Variants in ARHGAP24 observed in about 807,000 individuals in gnomAD.
ARHGAP24 encodes the protein rho GTPase-activating protein 24.
Under a neutral mutation model 76.4 loss-of-function variants are expected in ARHGAP24, and 50 were observed. That is an observed-to-expected ratio of 0.65 (90% confidence interval 0.52 to 0.83). The LOEUF is 0.83. ARHGAP24 is among the 40% of genes least tolerant of loss of function. The pLI, the probability that ARHGAP24 is intolerant of heterozygous loss-of-function variation, is 0.00. For synonymous variants in ARHGAP24, 345 were observed against 323.3 expected (o/e 1.07, Z -0.72); for missense variants, 930 against 914.2 (o/e 1.02, Z -0.22).
chr4:85,626,025 A>G (rs1238267964), intron 2 of ARHGAP24, among the ~76,000 whole-genome samples: 2 of 152,126 alleles, frequency 1.3e-5, no homozygotes, highest in Non-Finnish European at 2.9e-5. Context: ...TCTTTATCCA[A>G]TTTGCCAGTC....
chr4:85,931,138 G>A, intron 4 of ARHGAP24: 1 of 1,302,334 alleles, frequency 7.7e-7, no homozygotes, highest in Non-Finnish European at 1.1e-6. Flanking sequence ...TGGGAGTTTG[G>A]AAACCAAGAG....
chr4:85,750,590 G>A (rs924192143), intron 3 of ARHGAP24, among the ~76,000 whole-genome samples: 52 of 134,638 alleles, frequency 3.9e-4, no homozygotes, highest in Middle Eastern at 4.5e-3. Context: ...CTGCCTCCCC[G>A]GCTCAAGCAA....
At chr4:85,785,584 A>G (rs1285999049) in intron 3 of ARHGAP24, among the ~76,000 whole-genome samples, 1 of 152,106 alleles carries the variant, frequency 6.6e-6, no homozygotes, top group Non-Finnish European at 1.5e-5. Flanking sequence ...ACGCAAATAA[A>G]CACTTTCCTT....
chr4:85,795,647 G>C (rs1438965597), intron 3 of ARHGAP24, among the ~76,000 whole-genome samples: 1 of 152,008 alleles, frequency 6.6e-6, no homozygotes, highest in Non-Finnish European at 1.5e-5. Flanking sequence ...AGACCTTACA[G>C]ATTTTGTTAT....
At chr4:85,655,258 T>C (rs551884759) in intron 2 of ARHGAP24, among the ~76,000 whole-genome samples, 1 of 152,298 alleles carries the variant, frequency 6.6e-6, no homozygotes, top group South Asian at 2.1e-4. Context: ...TTCCATGATA[T>C]TTATCAGATA....
In ARHGAP24 at chr4:86,000,951, G is replaced by T; in HGVS notation, c.*229G>T. The T allele has an allele frequency of 1.8e-6, 1 of 553,842 alleles. No homozygotes were observed. The highest frequency in any genetic ancestry group is 3.0e-6 in the Non-Finnish European group (1 of 329,514). 34.3% of individuals were successfully genotyped at this position (553,842 alleles called of 1,614,324 possible). A position where few individuals can be genotyped will look rare whatever the true frequency, so the allele number is the denominator to read the frequency against. On this transcript the variant is annotated 3_prime_UTR_variant, in exon 10 of 10. Coordinates refer to ENST00000395184, the MANE Select transcript of ARHGAP24 (RefSeq NM_001025616.3). ...CAACTGGATATGTGTATATAGAGTAGTTTTTCAAAAGTAAACTAAAAATGA... is the reference window on the plus strand; with the variant it reads ...CAACTGGATATGTGTATATAGAGTATTTTTTCAAAAGTAAACTAAAAATGA...
At chr4:85,785,638 C>T (rs1727803854) in intron 3 of ARHGAP24, among the ~76,000 whole-genome samples, 1 of 152,004 alleles carries the variant, frequency 6.6e-6, no homozygotes, top group Non-Finnish European at 1.5e-5. Flanking sequence ...TTCTTAGTGT[C>T]ACAAAACAAG....
At chr4:85,498,902 T>C (rs1181344163) in intron 1 of ARHGAP24, among the ~76,000 whole-genome samples, 1 of 152,242 alleles carries the variant, frequency 6.6e-6, no homozygotes, top group Non-Finnish European at 1.5e-5. Flanking sequence ...TGAGAACTTA[T>C]TATTTTCAAA....
At chr4:85,585,107 G>T (rs1372106289) in intron 2 of ARHGAP24, among the ~76,000 whole-genome samples, 1 of 152,116 alleles carries the variant, frequency 6.6e-6, no homozygotes, top group Non-Finnish European at 1.5e-5. Flanking sequence ...ATTTGCAGGT[G>T]GTTCCCACTT....
intron 1 of ARHGAP24, among the ~76,000 whole-genome samples, chr4:85,488,174 C>T (rs933552318): frequency 6.6e-6 from 1 of 151,594 alleles, no homozygotes; most frequent in Non-Finnish European, 1.5e-5. Context: ...CCTAGCAAGC[C>T]GAAGCCACCT....
At chr4:85,647,967 T>C (rs1472891343) in intron 2 of ARHGAP24, among the ~76,000 whole-genome samples, 1 of 152,198 alleles carries the variant, frequency 6.6e-6, no homozygotes, top group Non-Finnish European at 1.5e-5. Context: ...TCTAGAGTCA[T>C]TGCTGTACCA....
chr4:85,747,121 T>C (rs1165810483), intron 3 of ARHGAP24, among the ~76,000 whole-genome samples: 1 of 152,220 alleles, frequency 6.6e-6, no homozygotes, highest in Non-Finnish European at 1.5e-5. Context: ...CATTTTCTCC[T>C]ACTTTTCAGG....
At position 85,994,738 on chromosome 4, in the gene ARHGAP24, G is replaced by A. The variant is rs1740543610; in HGVS notation, c.1084G>A (p.Glu362Lys). 1 of 1,614,088 alleles carries A rather than the reference G, an allele frequency of 6.2e-7. No homozygotes were observed. Residue 362 changes from glutamate (E) to lysine (K), a missense_variant, in exon 9 of 10, where the codon GAG becomes AAG. Physicochemically the swap from Glu to Lys is moderately conservative, Grantham distance 56 (BLOSUM62 1). Coordinates refer to ENST00000395184, the MANE Select transcript of ARHGAP24 (RefSeq NM_001025616.3). ...CACCATGGGGCAGTTACAGAACAAGGAGAACAATAACACCAAGGACAGCCC... is the reference window on the plus strand; with the variant it reads ...CACCATGGGGCAGTTACAGAACAAGAAGAACAATAACACCAAGGACAGCCC... ...KATMGQLQNKENNNTKDSPSR... is the reference protein window; with the variant it reads ...KATMGQLQNKKNNNTKDSPSR...
At chr4:85,482,810 A>T (rs912653858) in intron 1 of ARHGAP24, among the ~76,000 whole-genome samples, 46 of 152,292 alleles carry the variant, frequency 3.0e-4, no homozygotes, top group African/African-American at 9.4e-4. Flanking sequence ...TCTCTTATAG[A>T]TGGAAAAACC....
chr4:85,978,888 G>T (rs13102197), intron 8 of ARHGAP24, among the ~76,000 whole-genome samples: 31,820 of 152,046 alleles, frequency 0.21, 3,589 homozygotes, highest in South Asian at 0.39. Context: ...TTGTGTTTCT[G>T]TGTAGTTTTA....
intron 1 of ARHGAP24, among the ~76,000 whole-genome samples, chr4:85,553,453 A>C (rs1463645173): frequency 2.0e-5 from 3 of 152,152 alleles, no homozygotes; most frequent in African/African-American, 7.2e-5. Context: ...TGTTTTACAG[A>C]GTGCTGATTG....
chr4:85,746,133 T>C (rs1327778470), intron 3 of ARHGAP24, among the ~76,000 whole-genome samples: 1 of 152,218 alleles, frequency 6.6e-6, no homozygotes, highest in Admixed American at 6.5e-5. Flanking sequence ...AGATACCTGC[T>C]TTTTTCACTG....
chr4:85,531,260 C>T (rs763144106), intron 1 of ARHGAP24, among the ~76,000 whole-genome samples: 6 of 151,968 alleles, frequency 3.9e-5, no homozygotes, highest in Admixed American at 1.3e-4. Flanking sequence ...TGCCAAGATA[C>T]GTTGATGGTC....
At chr4:85,818,205 G>T (rs1305629579) in intron 3 of ARHGAP24, among the ~76,000 whole-genome samples, 2 of 152,150 alleles carry the variant, frequency 1.3e-5, no homozygotes, top group Non-Finnish European at 2.9e-5. Context: ...GAACCCCCAG[G>T]TGAGTTCACA....
Sources: gnomAD v4.1 joint callset for allele counts (sites outside exome capture counted in the v4.1 genomes callset) on GRCh38, gnomAD v4.1.1 for gene constraint, MANE v1.5 for transcripts, NCBI Gene and HGNC (gene_info 2026-07-23, HGNC 2026-07-21) for gene names.